Variants in COG7 observed in about 807,000 individuals in gnomAD.
The protein encoded by COG7 is component of oligomeric golgi complex 7, also known as conserved oligomeric Golgi complex subunit 7.
Under a neutral mutation model 91.5 loss-of-function variants are expected in COG7, and 49 were observed. That is an observed-to-expected ratio of 0.54 (90% confidence interval 0.43 to 0.68). The LOEUF (loss-of-function observed/expected upper bound fraction) is 0.68, where lower values mean the gene tolerates loss of function less well. Ranked by LOEUF, COG7 falls within the 30% of genes least tolerant of loss-of-function variation. The pLI is 0.00. For missense variants in COG7, 895 were observed against 961.3 expected (o/e 0.93, Z 0.91); for synonymous variants, 365 against 388.7 (o/e 0.94, Z 0.72).
At chr16:23,424,406 T>G (rs1963810830) in intron 7 of COG7, among the ~76,000 whole-genome samples, 1 of 151,958 alleles carries the variant, frequency 6.6e-6, no homozygotes. Context: ...TAAGCACACT[T>G]GCCTCCTGGT....
intron 8 of COG7, chr16:23,417,342 T>A: frequency 1.7e-6 from 1 of 595,992 alleles, no homozygotes; most frequent in South Asian, 1.9e-5. Context: ...AAAAGCATGA[T>A]CGAATGTCTG....
intron 1 of COG7, among the ~76,000 whole-genome samples, chr16:23,450,416 T>C (rs552528378): frequency 6.6e-6 from 1 of 152,342 alleles, no homozygotes; most frequent in South Asian, 2.1e-4. Context: ...TGTAATTTAC[T>C]GTTTCTATCT....
At chr16:23,394,203 A>T (rs144423621) in intron 14 of COG7, among the ~76,000 whole-genome samples, 41 of 152,354 alleles carry the variant, frequency 2.7e-4, no homozygotes, top group African/African-American at 9.4e-4. Context: ...TATTGTTTTC[A>T]TAATATAAAC....
rs1347819819 is a variant in COG7, at chr16:23,410,298, T to G, written c.1472A>C (p.Asn491Thr). ...HCGDFEQQLA[N>T]RILSTAGKYL... ...GACAATGACTCCTCTCTCCTACCTG[T>G]TGGCTAGCTGCTGCTCGAAGTCCCC... The change falls in exon 11 of 17, where the codon AAC (asparagine) becomes ACC (threonine). Residue 491 changes from asparagine to threonine, a missense_variant. By Grantham distance (65) the Asn-to-Thr change is moderately conservative. Transcript: ENST00000307149. 1 of 1,613,910 alleles carries G rather than the reference T, an allele frequency of 6.2e-7. No individual in the cohort carries two copies. Among genetic ancestry groups the G allele is most frequent in the African/African-American group, 1.3e-5 (1 of 75,034 alleles).
intron 4 of COG7, among the ~76,000 whole-genome samples, chr16:23,439,695 A>G (rs1362964601): frequency 6.6e-6 from 1 of 152,180 alleles, no homozygotes; most frequent in Non-Finnish European, 1.5e-5. Context: ...AGGTGAGGGT[A>G]GGAGGAATGG....
chr16:23,397,452 T>C (rs1402745057), intron 14 of COG7, among the ~76,000 whole-genome samples: 1 of 152,190 alleles, frequency 6.6e-6, no homozygotes, highest in Non-Finnish European at 1.5e-5. Flanking sequence ...GGAAAGGCCA[T>C]GTGCAGGTGT....
At chr16:23,402,676 C>T (rs941746903) in intron 13 of COG7, among the ~76,000 whole-genome samples, 1 of 152,228 alleles carries the variant, frequency 6.6e-6, no homozygotes, top group South Asian at 2.1e-4. Context: ...CTCCACTTTA[C>T]GTCCCCTTCT....
intron 11 of COG7, among the ~76,000 whole-genome samples, chr16:23,407,787 GGACAGTTCAAT>G (rs1167961564): frequency 6.6e-6 from 1 of 151,962 alleles, no homozygotes; most frequent in African/African-American, 2.4e-5. Context: ...GGTCTTCGGG[GGACAGTTCAAT>G]GAGACAGTCA....
chr16:23,394,330 T>C (rs1490571083), intron 14 of COG7, among the ~76,000 whole-genome samples: 2 of 152,228 alleles, frequency 1.3e-5, no homozygotes, highest in Non-Finnish European at 2.9e-5. Context: ...TGGTCATGTG[T>C]TTGTCAGATA....
chr16:23,388,688 G>C lies in COG7; in HGVS notation c.*232C>G, dbSNP rs1271676051. The C allele has an allele frequency of 1.5e-5, 6 of 392,206 alleles. No individual in the cohort carries two copies. Among genetic ancestry groups the C allele is most frequent in the African/African-American group, 2.2e-5 (1 of 46,354 alleles). 24.3% of individuals were successfully genotyped at this position (392,206 alleles called of 1,614,324 possible). A position where few individuals can be genotyped will look rare whatever the true frequency, so the allele number is the denominator to read the frequency against. On this transcript the variant is annotated 3_prime_UTR_variant, in exon 17 of 17. Transcript: ENST00000307149. Reference sequence around the variant, plus strand: ...TGTTAATTTTTGTATTTTTAGTAGAGATGGGGTTTCACCATGTTGGTCAGG... The same window carrying C: ...TGTTAATTTTTGTATTTTTAGTAGACATGGGGTTTCACCATGTTGGTCAGG...
At chr16:23,432,022 G>A (rs1035099314) in intron 6 of COG7, among the ~76,000 whole-genome samples, 1 of 151,600 alleles carries the variant, frequency 6.6e-6, no homozygotes, top group African/African-American at 2.4e-5. Flanking sequence ...TGGCACATAC[G>A]TGTATTCCTA....
intron 4 of COG7, 52 bp from the exon 5 acceptor site, chr16:23,434,770 A>G (rs2142088390): frequency 7.4e-7 from 1 of 1,355,836 alleles, no homozygotes; most frequent in East Asian, 2.3e-5. Context: ...TGGTGTAGAC[A>G]TGAGAAAAAA....
In COG7 at chr16:23,406,119, G is replaced by A; in HGVS notation, c.1619C>T (p.Pro540Leu). 1 of 1,614,136 alleles carries A rather than the reference G, an allele frequency of 6.2e-7. No individual in the cohort carries two copies. Among genetic ancestry groups the A allele is most frequent in the South Asian group, 1.1e-5 (1 of 91,086 alleles). ...TTCCATTAAACTGGCATATTCAGCA[G>A]GGTTATCTTTCTGGAGGTAATTATA... Reference protein sequence around the residue: ...QEYNYLQKDNPAEYASLMEIL... With the variant: ...QEYNYLQKDNLAEYASLMEIL... The change falls in exon 12 of 17, where the codon CCT becomes CTT. Residue 540 changes from proline (P) to leucine (L), a missense_variant. Coordinates refer to ENST00000307149, the MANE Select transcript of COG7 (RefSeq NM_153603.4).
rs995361842 is a variant in COG7 at position 23,392,389 on chromosome 16, T to A, written c.2137A>T (p.Thr713Ser). ...TCTTGTGGGGACCCACCGATGTCAGTGGCCAGCTGCTTGGCAGAGTGTGGG... is the reference window on the plus strand; with the variant it reads ...TCTTGTGGGGACCCACCGATGTCAGAGGCCAGCTGCTTGGCAGAGTGTGGG... ...LSPHSAKQLA[T>S]DIDYLINVMD... is the part of the protein sequence containing the mutation. Residue 713 changes from threonine (T) to serine (S), a missense_variant, in exon 16 of 17, where the codon ACT becomes TCT. Thr to Ser is a moderately conservative substitution (Grantham distance 58). Coordinates refer to ENST00000307149, the MANE Select transcript of COG7 (RefSeq NM_153603.4). 1 of 1,614,088 alleles carries A rather than the reference T, an allele frequency of 6.2e-7. No individual in the cohort carries two copies. The highest frequency in any genetic ancestry group is 1.3e-5 in the African/African-American group (1 of 74,942).
At position 23,389,004 on chromosome 16, in the gene COG7, C is replaced by A. The variant is rs1299776264; in HGVS notation, c.2229G>T (p.Arg743Ser). 1.9e-6 allele frequency: 3 copies of A among 1,614,114 alleles called. No homozygotes were observed. The highest frequency in any genetic ancestry group is 2.5e-6 in the Non-Finnish European group (3 of 1,180,024). ...TGCTGACCTGTCTATAGTCCTCAGG[C>A]CTGGTCTTCAGTAGCGTCACGATGT... Reference protein sequence around the residue: ...LQHIVTLLKTRPEDYRQVSKG... With the variant: ...LQHIVTLLKTSPEDYRQVSKG... Residue 743 changes from arginine to serine, a missense_variant, in exon 17 of 17, where the codon AGG becomes AGT. Coordinates refer to ENST00000307149, the MANE Select transcript of COG7 (RefSeq NM_153603.4).
intron 6 of COG7, among the ~76,000 whole-genome samples, chr16:23,433,007 T>G (rs1201341801): frequency 1.3e-5 from 2 of 152,226 alleles, no homozygotes; most frequent in African/African-American, 4.8e-5. Flanking sequence ...ATAAGAGTGG[T>G]AAGAAGAGTT....
intron 7 of COG7, 22 bp from the exon 8 acceptor site, chr16:23,418,849 A>C (rs1467001117): frequency 1.9e-6 from 3 of 1,610,742 alleles, no homozygotes; most frequent in Admixed American, 3.3e-5. Context: ...CAGAAATGTA[A>C]AACGATAATG....
intron 4 of COG7, among the ~76,000 whole-genome samples, chr16:23,437,082 C>T (rs962990258): frequency 3.3e-5 from 5 of 152,146 alleles, no homozygotes; most frequent in Admixed American, 1.3e-4. Context: ...GTTTCCACTG[C>T]GGCCCAGCAG....
chr16:23,428,278 G>A (rs1467360006), intron 6 of COG7, among the ~76,000 whole-genome samples: 1 of 152,086 alleles, frequency 6.6e-6, no homozygotes, highest in Non-Finnish European at 1.5e-5. Flanking sequence ...GAACCCAGGA[G>A]GCGGAGGTTG....
Sources: allele counts gnomAD v4.1 joint callset (sites outside exome capture counted in the v4.1 genomes callset), GRCh38; gene constraint gnomAD v4.1.1; transcripts MANE v1.5; gene names NCBI Gene and HGNC (gene_info 2026-07-23, HGNC 2026-07-21).